Variants in PTPRD observed in about 807,000 individuals in gnomAD.
PTPRD encodes the protein receptor-type tyrosine-protein phosphatase delta.
In PTPRD, 34 loss-of-function variants were observed where a neutral mutation model predicts 214.5. The ratio of observed to expected loss-of-function variants is 0.16; its 90% CI spans 0.12 to 0.21. The LOEUF (loss-of-function observed/expected upper bound fraction) is 0.21. Among genes scored for constraint, PTPRD ranks in the 10% least tolerant of loss-of-function variants. PTPRD has a pLI of 1.00. For synonymous variants in PTPRD, 1,128 were observed against 845.7 expected (o/e 1.33, Z -5.79); for missense variants, 2,545 against 2,398.7 (o/e 1.06, Z -1.27).
chr9:8,388,321 A>C (rs1589267339), intron 37 of PTPRD, among the ~76,000 whole-genome samples: 1 of 152,096 alleles, frequency 6.6e-6, no homozygotes, highest in East Asian at 1.9e-4. Context: ...TTCCTTCTAA[A>C]TATCCTTTTT....
chr9:9,839,227 C>A (rs566697740), intron 5 of PTPRD, among the ~76,000 whole-genome samples: 15 of 152,146 alleles, frequency 9.9e-5, no homozygotes, highest in African/African-American at 1.4e-4. Flanking sequence ...GAAGGAAATA[C>A]AGGGTATTCA....
chr9:9,762,776 T>A (rs1480574986), intron 6 of PTPRD, among the ~76,000 whole-genome samples: 1 of 152,228 alleles, frequency 6.6e-6, no homozygotes, highest in Non-Finnish European at 1.5e-5. Flanking sequence ...CACTTCCAGA[T>A]TTTTTAGGTA....
intron 10 of PTPRD, among the ~76,000 whole-genome samples, chr9:9,082,792 C>A (rs867595328): frequency 2.8e-4 from 43 of 152,116 alleles, no homozygotes; most frequent in African/African-American, 8.9e-4. Flanking sequence ...GAGTGAACTC[C>A]CATTCATAAT....
chr9:9,342,192 C>T (rs1435302756), intron 9 of PTPRD, among the ~76,000 whole-genome samples: 2 of 152,148 alleles, frequency 1.3e-5, no homozygotes, highest in East Asian at 1.9e-4. Flanking sequence ...AAAAGATTGA[C>T]AGATGTTGTG....
At chr9:9,234,254 T>C (rs2099965098) in intron 9 of PTPRD, among the ~76,000 whole-genome samples, 1 of 152,176 alleles carries the variant, frequency 6.6e-6, no homozygotes, top group Non-Finnish European at 1.5e-5. Context: ...TGAAGCCATG[T>C]CCCATGCTAT....
chr9:8,614,822 A>G (rs760579200), intron 14 of PTPRD, among the ~76,000 whole-genome samples: 21 of 152,136 alleles, frequency 1.4e-4, no homozygotes, highest in Non-Finnish European at 2.8e-4. Context: ...TTGGACAATT[A>G]CTTAGCCCTG....
At chr9:9,830,082 A>C (rs1406828115) in intron 5 of PTPRD, among the ~76,000 whole-genome samples, 1 of 151,716 alleles carries the variant, frequency 6.6e-6, no homozygotes, top group East Asian at 1.9e-4. Flanking sequence ...TGGCATTATT[A>C]AGTAAAAATA....
chr9:9,323,959 G>C (rs1289024928), intron 9 of PTPRD, among the ~76,000 whole-genome samples: 1 of 152,126 alleles, frequency 6.6e-6, no homozygotes. Context: ...CTGTCCTTGT[G>C]ACAGTTTGCT....
chr9:8,919,104 T>C (rs948146941), intron 11 of PTPRD, among the ~76,000 whole-genome samples: 2 of 152,132 alleles, frequency 1.3e-5, no homozygotes, highest in African/African-American at 4.8e-5. Context: ...TGAGAGCTGT[T>C]ATCTAACTGC....
chr9:9,878,218 C>T (rs917075574), intron 5 of PTPRD, among the ~76,000 whole-genome samples: 13 of 152,002 alleles, frequency 8.6e-5, no homozygotes, highest in African/African-American at 1.9e-4. Context: ...GAAAGTATCA[C>T]GCAGAAAGAC....
chr9:9,782,474 T>A (rs1021100045), intron 5 of PTPRD, among the ~76,000 whole-genome samples: 5 of 152,178 alleles, frequency 3.3e-5, no homozygotes, highest in African/African-American at 4.8e-5. Context: ...TTGAGGTATG[T>A]TACCAACTGA....
chr9:9,496,517 T>C (rs1470612941), intron 8 of PTPRD, among the ~76,000 whole-genome samples: 1 of 151,822 alleles, frequency 6.6e-6, no homozygotes, highest in Non-Finnish European at 1.5e-5. Context: ...CAAACTACAA[T>C]GAGATATGGT....
At chr9:8,513,320 A>C (rs2097718538) in intron 21 of PTPRD, among the ~76,000 whole-genome samples, 1 of 152,064 alleles carries the variant, frequency 6.6e-6, no homozygotes, top group South Asian at 2.1e-4. Context: ...CCAGAAATAC[A>C]CAAATTTACA....
intron 7 of PTPRD, among the ~76,000 whole-genome samples, chr9:9,620,364 C>G (rs374245214): frequency 6.6e-6 from 1 of 152,038 alleles, no homozygotes; most frequent in African/African-American, 2.4e-5. Flanking sequence ...AATGCTAGGC[C>G]GGTAAATAAG....
chr9:9,386,169 A>G (rs903476811), intron 9 of PTPRD, among the ~76,000 whole-genome samples: 1 of 152,130 alleles, frequency 6.6e-6, no homozygotes, highest in Non-Finnish European at 1.5e-5. Context: ...AGCGTCCAAT[A>G]TATGTTTCCA....
chr9:8,870,150 A>G (rs897861002), intron 11 of PTPRD, among the ~76,000 whole-genome samples: 1 of 151,626 alleles, frequency 6.6e-6, no homozygotes, highest in African/African-American at 2.4e-5. Context: ...AAAGGTTTAA[A>G]CGTAAAAGAC....
chr9:8,957,460 T>G (rs1422550369), intron 11 of PTPRD, among the ~76,000 whole-genome samples: 1 of 151,776 alleles, frequency 6.6e-6, no homozygotes, highest in Admixed American at 6.6e-5. Context: ...TTCTGTTCTG[T>G]TTTTGAAATG....
At chr9:10,471,421 A>C (rs1159275582) in intron 2 of PTPRD, among the ~76,000 whole-genome samples, 1 of 152,138 alleles carries the variant, frequency 6.6e-6, no homozygotes, top group Non-Finnish European at 1.5e-5. Context: ...CATATTTTAA[A>C]AGTTTCATCA....
At chr9:9,750,627 G>A (rs946054558) in intron 6 of PTPRD, among the ~76,000 whole-genome samples, 35 of 152,266 alleles carry the variant, frequency 2.3e-4, no homozygotes, top group Middle Eastern at 3.4e-3. Flanking sequence ...CACTAGGGGT[G>A]TGGGTATGTG....
Sources: allele counts gnomAD v4.1 joint callset (sites outside exome capture counted in the v4.1 genomes callset), GRCh38; gene constraint gnomAD v4.1.1; transcripts MANE v1.5; gene names NCBI Gene and HGNC (gene_info 2026-07-23, HGNC 2026-07-21).